ZFAT: variants seen among roughly 807,000 people sequenced by gnomAD.
ZFAT encodes the protein zinc finger protein ZFAT.
ZFAT carries 64 observed loss-of-function variants against 117.7 expected under a neutral mutation model. The observed-to-expected ratio is 0.54, with a 90% CI of 0.44 to 0.67. The LOEUF (loss-of-function observed/expected upper bound fraction) is 0.67, where lower values mean the gene tolerates loss of function less well. Among genes scored for constraint, ZFAT ranks in the 30% least tolerant of loss-of-function variants. The probability of loss-of-function intolerance (pLI) is 0.00; values close to 1 mark genes in which losing one functional copy is unlikely to be tolerated. For missense variants in ZFAT, 1,433 were observed against 1,584.5 expected, an observed-to-expected ratio of 0.90 and a Z score of 1.62; for synonymous variants, 679 against 615.0, an observed-to-expected ratio of 1.10 and a Z score of -1.54.
intron 1 of ZFAT, among the ~76,000 whole-genome samples, chr8:134,694,032 G>A (rs1371375091): frequency 1.3e-5 from 2 of 152,262 alleles, no homozygotes; most frequent in Admixed American, 6.5e-5. Context: ...CCAAAGGGAG[G>A]TAGAGTCTAC....
chr8:134,657,105 ATCATGTTC>A (rs1336158160), intron 2 of ZFAT, among the ~76,000 whole-genome samples: 1 of 152,188 alleles, frequency 6.6e-6, no homozygotes, highest in Non-Finnish European at 1.5e-5. Context: ...GCTTCCTTTT[ATCATGTTC>A]TGTGTGCCAG....
chr8:134,782,902 A>G, the ZFAT span, among the ~76,000 whole-genome samples: 9 of 152,100 alleles, frequency 5.9e-5, no homozygotes, highest in Non-Finnish European at 1.0e-4. Context: ...TTTATCATCC[A>G]TTCCATTTCC....
chr8:134,613,449 C>T (rs757978194), intron 3 of ZFAT, among the ~76,000 whole-genome samples: 6 of 152,174 alleles, frequency 3.9e-5, no homozygotes, highest in Non-Finnish European at 7.3e-5. Context: ...GGCGCCATGC[C>T]GTTTTAAAAG....
At chr8:134,766,588 G>A in the ZFAT span, 1 of 152,104 alleles carries the variant, frequency 6.6e-6, no homozygotes, top group Admixed American at 6.5e-5. Flanking sequence ...ATCCTAAGTG[G>A]ATACATTCAT....
At chr8:134,585,140 G>A (rs1176015391) in intron 9 of ZFAT, among the ~76,000 whole-genome samples, 1 of 152,198 alleles carries the variant, frequency 6.6e-6, no homozygotes, top group African/African-American at 2.4e-5. Flanking sequence ...TTCCCACGAA[G>A]TCTTCAGAGC....
upstream of ZFAT, chr8:134,713,055 G>A (rs1814085355): frequency 1.6e-6 from 1 of 610,408 alleles, no homozygotes; most frequent in Admixed American, 4.4e-5. Context: ...TCCTCCCCAC[G>A]GGGCGCAGAC....
chr8:134,513,326 T>C (rs758761613), intron 13 of ZFAT, among the ~76,000 whole-genome samples: 4 of 151,972 alleles, frequency 2.6e-5, no homozygotes, highest in East Asian at 1.9e-4. Context: ...GCCTCCCGAG[T>C]GCCTGGGATT....
At chr8:134,582,480 GGTCA>G (rs772403841) in intron 10 of ZFAT, among the ~76,000 whole-genome samples, 52 of 152,324 alleles carry the variant, frequency 3.4e-4, no homozygotes, top group South Asian at 2.1e-3. Context: ...GCAGCTGAGC[GGTCA>G]GTAAGGCTTA....
At chr8:134,611,685 T>C (rs558972442) in intron 3 of ZFAT, among the ~76,000 whole-genome samples, 3 of 152,332 alleles carry the variant, frequency 2.0e-5, no homozygotes, top group Admixed American at 6.5e-5. Flanking sequence ...ACATGAAATC[T>C]TCTGATTTTT....
At chr8:134,583,223 A>C (rs1825830079) in intron 10 of ZFAT, among the ~76,000 whole-genome samples, 1 of 151,614 alleles carries the variant, frequency 6.6e-6, no homozygotes, top group African/African-American at 2.4e-5. Flanking sequence ...TAGATTACGA[A>C]CTCCTTGAAC....
chr8:134,735,322 C>G, the ZFAT span, among the ~76,000 whole-genome samples: 1 of 152,156 alleles, frequency 6.6e-6, no homozygotes, highest in African/African-American at 2.4e-5. Flanking sequence ...CAAATCCTCC[C>G]AAGAGTCACT....
At chr8:134,494,194 G>A (rs145041182) in intron 15 of ZFAT, among the ~76,000 whole-genome samples, 34 of 152,212 alleles carry the variant, frequency 2.2e-4, no homozygotes, top group South Asian at 4.2e-4. Flanking sequence ...ACAGCTGTGC[G>A]GCTGTTGGGG....
chr8:134,638,549 CAAAAAAAAAACAAAACA>C (rs200158550), intron 2 of ZFAT, among the ~76,000 whole-genome samples: 63,427 of 101,314 alleles, frequency 0.63, 17,792 homozygotes, highest in South Asian at 0.72. Context: ...ACTAAAAATA[CAAAAAAAAAACAAAACA>C]AAAAAAAAAA....
At chr8:134,762,904 A>G in the ZFAT span, among the ~76,000 whole-genome samples, 1 of 152,120 alleles carries the variant, frequency 6.6e-6, no homozygotes, top group Non-Finnish European at 1.5e-5. Context: ...TAGATAATGA[A>G]TTACCCATTG....
chr8:134,575,545 C>T (rs1031114533), intron 10 of ZFAT, among the ~76,000 whole-genome samples: 2 of 152,234 alleles, frequency 1.3e-5, no homozygotes, highest in Non-Finnish European at 2.9e-5. Flanking sequence ...AGAGCTGCAA[C>T]ATAATACATC....
rs745377351 is a variant in ZFAT, at chr8:134,478,703, T to C, written c.3511A>G (p.Ser1171Gly). ...VVKQVTEEEP[S>G]SNHTVMIQET... ...TGGATCATGACCGTGTGGTTGGAGC[T>C]GGGCTCCTCCTCGGTGACCTGCGGG... Residue 1171 changes from serine to glycine, a missense_variant, in exon 16 of 16, where the codon AGC (serine) becomes GGC (glycine). By Grantham distance (56) the Ser-to-Gly change is moderately conservative. Coordinates refer to ENST00000377838, the MANE Select transcript of ZFAT (RefSeq NM_020863.4). This position sits in a 1 kb window ranked among gnomAD's most constrained non-coding sequence, Gnocchi z 5.2. 6.4e-7 allele frequency: 1 copy of C among 1,571,366 alleles called. No homozygotes were observed. Among genetic ancestry groups the C allele is most frequent in the South Asian group, 1.2e-5 (1 of 85,330 alleles).
intron 3 of ZFAT, among the ~76,000 whole-genome samples, chr8:134,612,078 G>T (rs1355420828): frequency 6.6e-6 from 1 of 152,228 alleles, no homozygotes; most frequent in Non-Finnish European, 1.5e-5. Context: ...GAAATATAGG[G>T]AAGGGAGGAA....
the ZFAT span, among the ~76,000 whole-genome samples, chr8:134,759,897 G>A: frequency 6.8e-6 from 1 of 148,014 alleles, no homozygotes; most frequent in African/African-American, 2.5e-5. Context: ...CTTGAACCTG[G>A]GAGATGGAGG....
the ZFAT span, among the ~76,000 whole-genome samples, chr8:134,826,335 A>T: frequency 6.6e-6 from 1 of 152,262 alleles, no homozygotes; most frequent in African/African-American, 2.4e-5. Context: ...GGACTACCAT[A>T]TAATCACGAA....
Sources: allele counts gnomAD v4.1 joint callset (sites outside exome capture counted in the v4.1 genomes callset), GRCh38; gene constraint gnomAD v4.1.1; non-coding constraint Gnocchi (gnomAD v3.1); transcripts MANE v1.5; gene names NCBI Gene and HGNC (gene_info 2026-07-23, HGNC 2026-07-21).